The following NUDT3 variants were observed in gnomAD, a reference collection of about 807,000 sequenced individuals.
The protein encoded by NUDT3 is diphosphoinositol polyphosphate phosphohydrolase 1.
Under a neutral mutation model 23.6 loss-of-function variants are expected in NUDT3, and 9 were observed. That is an observed-to-expected ratio of 0.38 (90% CI 0.23 to 0.66). NUDT3 has a LOEUF of 0.66. Among genes scored for constraint, NUDT3 ranks in the 30% least tolerant of loss-of-function variants. The pLI is 0.52. For missense variants in NUDT3, 172 were observed against 218.5 expected, an observed-to-expected ratio of 0.79 and a Z score of 1.34; for synonymous variants, 86 against 82.6, an observed-to-expected ratio of 1.04 and a Z score of -0.22.
At chr6:34,316,995 G>C (rs943424085) in intron 2 of NUDT3, among the ~76,000 whole-genome samples, 1 of 152,176 alleles carries the variant, frequency 6.6e-6, no homozygotes, top group Non-Finnish European at 1.5e-5. Flanking sequence ...CTTGGACCAG[G>C]GGGATAGTGA....
intron 1 of NUDT3, among the ~76,000 whole-genome samples, chr6:34,386,649 A>G (rs1765112238): frequency 6.6e-6 from 1 of 152,178 alleles, no homozygotes; most frequent in African/African-American, 2.4e-5. Flanking sequence ...ATAGTCATGG[A>G]CTATATAACA....
chr6:34,386,405 T>A (rs1765107362), intron 1 of NUDT3, among the ~76,000 whole-genome samples: 1 of 152,214 alleles, frequency 6.6e-6, no homozygotes, highest in African/African-American at 2.4e-5. Context: ...GTCTGTTTGT[T>A]CTTCCATCTC....
chr6:34,370,422 A>G (rs1446399880), intron 1 of NUDT3, among the ~76,000 whole-genome samples: 1 of 152,232 alleles, frequency 6.6e-6, no homozygotes, highest in Admixed American at 6.5e-5. Context: ...TTCAAGGCAG[A>G]TGACAGAAGT....
intron 1 of NUDT3, among the ~76,000 whole-genome samples, chr6:34,352,370 G>A (rs1038628287): frequency 4.6e-5 from 7 of 152,020 alleles, no homozygotes; most frequent in African/African-American, 9.7e-5. Context: ...GGGTTTCACC[G>A]CGTTCCACAG....
intron 1 of NUDT3, among the ~76,000 whole-genome samples, chr6:34,346,448 A>G (rs1434801220): frequency 6.6e-6 from 1 of 152,246 alleles, no homozygotes; most frequent in East Asian, 1.9e-4. Flanking sequence ...TACAGTCCAA[A>G]AGAAAAACCT....
At chr6:34,289,000 A>C in intron 4 of NUDT3, 69 bp from the exon 5 acceptor site, 1 of 1,466,588 alleles carries the variant, frequency 6.8e-7, no homozygotes, top group Non-Finnish European at 9.0e-7. Flanking sequence ...ACTTTTGAGA[A>C]AATATAGAAA....
intron 2 of NUDT3, among the ~76,000 whole-genome samples, chr6:34,306,478 G>GAT (rs1763680044): frequency 6.6e-6 from 1 of 152,198 alleles, no homozygotes; most frequent in South Asian, 2.1e-4. Flanking sequence ...TAATTATATT[G>GAT]AAGTCAATGG....
Position 34,288,633 on chromosome 6 carries a change from GC to G in NUDT3, c.*119del, listed in dbSNP as rs1307708886. The G allele has an allele frequency of 3.0e-6, 4 of 1,333,004 alleles. No homozygotes were observed. Among genetic ancestry groups the G allele is most frequent in the Non-Finnish European group, 4.1e-6 (4 of 986,894 alleles). The allele number at this position is 1,333,004 out of a possible 1,614,324, so 82.6% of individuals were successfully genotyped here. On this transcript the variant is annotated 3_prime_UTR_variant, in exon 5 of 5. Transcript: ENST00000607016. ...ATTATCAATACACCCTTTCTTTGCT[GC>G]CCACCATGCCTTATTTGAAAGAGGA...
chr6:34,283,334 A>G lies in NUDT3; in HGVS notation c.*5419T>C, dbSNP rs1763299450. On this transcript the variant is annotated 3_prime_UTR_variant, in exon 5 of 5. Coordinates refer to ENST00000607016, the MANE Select transcript of NUDT3 (RefSeq NM_006703.4). ...ATTCTCCTGCCTCAGCCTCCCGAGT[A>G]GCTGGGACTACAGGAGCGTGCCACT... The G allele has an allele frequency of 6.6e-6, 1 of 151,384 alleles. No homozygotes were observed. Among genetic ancestry groups the G allele is most frequent in the African/African-American group, 2.4e-5 (1 of 41,026 alleles). 9.4% of individuals were successfully genotyped at this position (151,384 alleles called of 1,614,324 possible).
At chr6:34,350,932 C>T (rs1764456846) in intron 1 of NUDT3, among the ~76,000 whole-genome samples, 1 of 150,362 alleles carries the variant, frequency 6.7e-6, no homozygotes, top group Admixed American at 6.6e-5. Flanking sequence ...ATTTTAAGAA[C>T]AATATGAAAA....
rs182236016 is a variant in NUDT3 at position 34,309,306 on chromosome 6, A to G, written c.211-13621T>C. Among the ~76,000 whole-genome samples the G allele has an allele frequency of 1.4e-3, 213 of 152,334 alleles. 1 individual carries two copies. Among genetic ancestry groups the G allele is most frequent in the African/African-American group, 4.8e-3 (198 of 41,584 alleles). ...AGATTAAACAACACACTTCTAAATA[A>G]CATATGAATTAAAGCAGAAATCTCA... On this transcript the variant is annotated intron_variant, in intron 2 of 4. Coordinates refer to ENST00000607016, the MANE Select transcript of NUDT3 (RefSeq NM_006703.4).
chr6:34,372,967 T>TAGAGAG (rs948007593), intron 1 of NUDT3, among the ~76,000 whole-genome samples: 2 of 148,864 alleles, frequency 1.3e-5, no homozygotes, highest in African/African-American at 4.9e-5. Context: ...TATATATACA[T>TAGAGAG]AGAGAGAGAG....
At chr6:34,392,224 G>C (rs1206690316) in intron 1 of NUDT3, 40 bp downstream of exon 1, 1 of 1,510,498 alleles carries the variant, frequency 6.6e-7, no homozygotes, top group Non-Finnish European at 8.9e-7. Context: ...GAAGGGGCCG[G>C]AGACCCGGCG....
intron 2 of NUDT3, among the ~76,000 whole-genome samples, chr6:34,309,580 C>T (rs1463457259): frequency 1.3e-5 from 2 of 151,698 alleles, no homozygotes; most frequent in African/African-American, 4.8e-5. Context: ...AGAGGATGAA[C>T]ATAACCCAAA....
intron 1 of NUDT3, among the ~76,000 whole-genome samples, chr6:34,390,270 G>A (rs1259918621): frequency 1.3e-5 from 2 of 151,570 alleles, no homozygotes; most frequent in African/African-American, 4.8e-5. Context: ...CTCCAGCCTG[G>A]GCGACATAGC....
intron 1 of NUDT3, among the ~76,000 whole-genome samples, chr6:34,375,734 C>A (rs1362952643): frequency 6.6e-6 from 1 of 152,178 alleles, no homozygotes; most frequent in African/African-American, 2.4e-5. Flanking sequence ...AGAAAATGTG[C>A]TTCTTTCCTA....
At chr6:34,351,216 A>AAAAAAAAAAAAAAAAAAAAAAAAAAAAC (rs1561915130) in intron 1 of NUDT3, among the ~76,000 whole-genome samples, 2 of 130,732 alleles carry the variant, frequency 1.5e-5, no homozygotes, top group African/African-American at 6.7e-5. Flanking sequence ...AAAAAAAAAA[A>AAAAAAAAAAAAAAAAAAAAAAAAAAAAC]AAAAAAAAAA....
At chr6:34,371,890 C>T (rs1023042671) in intron 1 of NUDT3, among the ~76,000 whole-genome samples, 2 of 152,168 alleles carry the variant, frequency 1.3e-5, no homozygotes, top group Admixed American at 6.5e-5. Context: ...TGCTATCCCT[C>T]CCCTAACCCC....
At chr6:34,392,061 A>AGCC in intron 1 of NUDT3, among the ~76,000 whole-genome samples, 1 of 152,074 alleles carries the variant, frequency 6.6e-6, no homozygotes, top group African/African-American at 2.4e-5. Context: ...CGCCCTGTGC[A>AGCC]GCCGCACTCA....
Sources: allele counts gnomAD v4.1 joint callset (sites outside exome capture counted in the v4.1 genomes callset), GRCh38; gene constraint gnomAD v4.1.1; transcripts MANE v1.5; gene names NCBI Gene and HGNC (gene_info 2026-07-23, HGNC 2026-07-21).